Variants in UTRN observed in about 807,000 individuals in gnomAD.
The protein encoded by UTRN is dystrophin-related protein 1.
In UTRN, 283 loss-of-function variants were observed where a neutral mutation model predicts 463.9. The ratio of observed to expected loss-of-function variants is 0.61; its 90% CI spans 0.55 to 0.67. The LOEUF (loss-of-function observed/expected upper bound fraction) is 0.67. Ranked by LOEUF, UTRN falls within the 30% of genes least tolerant of loss-of-function variation. UTRN has a pLI of 0.00. For missense variants in UTRN, 3,922 were observed against 4,084.3 expected (o/e 0.96, Z 1.08); for synonymous variants, 1,442 against 1,431.5 (o/e 1.01, Z -0.17).
At chr6:144,743,420 CAAAG>C (rs951590123) in intron 54 of UTRN, among the ~76,000 whole-genome samples, 54 of 152,290 alleles carry the variant, frequency 3.5e-4, no homozygotes, top group Middle Eastern at 3.4e-3. Flanking sequence ...CATAAGCACT[CAAAG>C]GAAGAGTTTT....
chr6:144,688,695 TGTA>T (rs1293003892), intron 52 of UTRN, among the ~76,000 whole-genome samples: 1 of 151,318 alleles, frequency 6.6e-6, no homozygotes, highest in African/African-American at 2.4e-5. Flanking sequence ...AGATACTCAT[TGTA>T]GTAGTAATGT....
chr6:144,574,099 C>T (rs1014763748), intron 50 of UTRN, among the ~76,000 whole-genome samples: 12 of 152,050 alleles, frequency 7.9e-5, no homozygotes, highest in Non-Finnish European at 1.5e-4. Flanking sequence ...ATAACATTTT[C>T]GTGTGGACAC....
intron 69 of UTRN, among the ~76,000 whole-genome samples, chr6:144,833,657 A>ATGTT (rs1780860231): frequency 6.6e-6 from 1 of 152,086 alleles, no homozygotes; most frequent in African/African-American, 2.4e-5. Flanking sequence ...TCCTATCCAT[A>ATGTT]TGTTAGAGCT....
Position 144,451,510 on chromosome 6 carries a change from A to G in UTRN, c.2196+17A>G, listed in dbSNP as rs761113669. On this transcript the variant is annotated intron_variant, in intron 18 of 74. Transcript: ENST00000367545. ...AAGTTGAAGGTAAAAAACATAAACC[A>G]CATATATCCTAGTGCATAAAATAGT... is the stretch of plus-strand genomic sequence containing the variant. The G allele has an allele frequency of 1.1e-5, 17 of 1,606,582 alleles. No individual in the cohort carries two copies. Among genetic ancestry groups the G allele is most frequent in the Non-Finnish European group, 1.7e-6 (2 of 1,177,394 alleles).
chr6:144,714,331 TGTCTC>T (rs1431424753), intron 53 of UTRN, among the ~76,000 whole-genome samples: 18 of 152,342 alleles, frequency 1.2e-4, no homozygotes, highest in African/African-American at 3.4e-4. Flanking sequence ...CTAGCAGATT[TGTCTC>T]ATGTTTGCAT....
intron 2 of UTRN, among the ~76,000 whole-genome samples, chr6:144,379,689 G>GC (rs1780744538): frequency 6.6e-6 from 1 of 152,210 alleles, no homozygotes; most frequent in Non-Finnish European, 1.5e-5. Flanking sequence ...GGGGAATTAA[G>GC]CCCCCCGCTT....
At chr6:144,762,986 T>C (rs1485457850) in intron 58 of UTRN, among the ~76,000 whole-genome samples, 1 of 152,236 alleles carries the variant, frequency 6.6e-6, no homozygotes, top group Non-Finnish European at 1.5e-5. Context: ...GACTATTCTG[T>C]TCTTGTGACA....
At chr6:144,687,005 T>C (rs1782835566) in intron 52 of UTRN, among the ~76,000 whole-genome samples, 1 of 152,166 alleles carries the variant, frequency 6.6e-6, no homozygotes, top group Admixed American at 6.5e-5. Context: ...CAGAAGGTTC[T>C]GTTCTGGGGC....
chr6:144,359,217 C>A, intron 2 of UTRN, among the ~76,000 whole-genome samples: 1 of 152,270 alleles, frequency 6.6e-6, no homozygotes, highest in East Asian at 1.9e-4. Context: ...TGGAAGCTGT[C>A]CTGTGCTTTG....
rs146901178 is a variant in UTRN, at chr6:144,412,108, C to A, written c.141+8924C>A. 2.2e-3 allele frequency among the ~76,000 whole-genome samples: 340 copies of A among 152,246 alleles called. 1 individual carries two copies. The highest frequency in any genetic ancestry group is 7.9e-3 in the African/African-American group (329 of 41,548). ...ACTACATATCATACAGTCTTCATTT[C>A]GTTGATTCAACTACACATTTTATAA... On this transcript the variant is annotated intron_variant, in intron 3 of 74. Coordinates refer to ENST00000367545, the MANE Select transcript of UTRN (RefSeq NM_007124.3).
chr6:144,831,804 G>T (rs1780696291), intron 69 of UTRN, among the ~76,000 whole-genome samples: 1 of 152,186 alleles, frequency 6.6e-6, no homozygotes, highest in South Asian at 2.1e-4. Context: ...CTGCCCTTGG[G>T]TGACACTGGA....
chr6:144,449,751 A>C (rs1250342205), intron 17 of UTRN, among the ~76,000 whole-genome samples: 1 of 152,178 alleles, frequency 6.6e-6, no homozygotes, highest in East Asian at 1.9e-4. Context: ...ATCAGCAATA[A>C]CGACTTGTGC....
chr6:144,564,102 C>G (rs1800176790), intron 50 of UTRN, among the ~76,000 whole-genome samples: 1 of 152,152 alleles, frequency 6.6e-6, no homozygotes, highest in Admixed American at 6.6e-5. Context: ...AAAGATTCAA[C>G]CATAAATACA....
chr6:144,566,095 A>AT (rs1356666057), intron 50 of UTRN, among the ~76,000 whole-genome samples: 6 of 152,270 alleles, frequency 3.9e-5, no homozygotes, highest in African/African-American at 1.2e-4. Flanking sequence ...ACTGGAATGC[A>AT]TTTTTCATTA....
At chr6:144,801,505 T>C (rs1427428069) in intron 64 of UTRN, among the ~76,000 whole-genome samples, 1 of 152,184 alleles carries the variant, frequency 6.6e-6, no homozygotes, top group African/African-American at 2.4e-5. Flanking sequence ...TCAGACTGTC[T>C]TTCTATCAAG....
intron 50 of UTRN, among the ~76,000 whole-genome samples, chr6:144,560,206 G>T (rs1467682183): frequency 6.6e-6 from 1 of 152,124 alleles, no homozygotes; most frequent in Non-Finnish European, 1.5e-5. Context: ...TAATGGCAGA[G>T]TTGGGATTGG....
intron 18 of UTRN, among the ~76,000 whole-genome samples, chr6:144,452,909 C>G (rs989572747): frequency 6.6e-6 from 1 of 150,440 alleles, no homozygotes; most frequent in African/African-American, 2.4e-5. Context: ...GCCACTGCAC[C>G]CCAGCCTGGG....
chr6:144,287,872 A>G (rs774766143), intron 1 of UTRN, among the ~76,000 whole-genome samples: 3 of 152,220 alleles, frequency 2.0e-5, no homozygotes, highest in Non-Finnish European at 4.4e-5. Context: ...TTGCATTTGT[A>G]TAGGGCTTGA....
At chr6:144,667,771 T>G (rs1780579580) in intron 51 of UTRN, among the ~76,000 whole-genome samples, 1 of 152,138 alleles carries the variant, frequency 6.6e-6, no homozygotes, top group Non-Finnish European at 1.5e-5. Context: ...ATTTGGCACA[T>G]CTCAAACTAT....
Sources: gnomAD v4.1 joint callset for allele counts (sites outside exome capture counted in the v4.1 genomes callset) on GRCh38, gnomAD v4.1.1 for gene constraint, MANE v1.5 for transcripts, NCBI Gene and HGNC (gene_info 2026-07-23, HGNC 2026-07-21) for gene names.